SRBD1: variants seen among roughly 807,000 people sequenced by gnomAD.
The protein encoded by SRBD1 is S1 RNA binding domain 1, also known as S1 RNA-binding domain-containing protein 1.
SRBD1 carries 88 observed loss-of-function variants against 115.3 expected under a neutral mutation model. That is an observed-to-expected ratio of 0.76 (90% CI 0.64 to 0.91). SRBD1 has a LOEUF of 0.91. Ranked by LOEUF, SRBD1 falls within the 40% of genes least tolerant of loss-of-function variation. SRBD1 has a pLI of 0.00. For missense variants in SRBD1, 1,385 were observed against 1,177.4 expected, an observed-to-expected ratio of 1.18 and a Z score of -2.58; for synonymous variants, 509 against 407.7, an observed-to-expected ratio of 1.25 and a Z score of -2.99.
chr2:45,414,777 CACACACACATAGTGTGT>C (rs1667742809), intron 18 of SRBD1, among the ~76,000 whole-genome samples: 2 of 78,736 alleles, frequency 2.5e-5, no homozygotes, highest in African/African-American at 1.0e-4. Flanking sequence ...ATAGTATGTA[CACACACACATAGTGTGT>C]ATATAGTATG....
At chr2:45,540,489 A>C (rs573689434) in intron 14 of SRBD1, among the ~76,000 whole-genome samples, 81 of 152,312 alleles carry the variant, frequency 5.3e-4, no homozygotes, top group African/African-American at 1.8e-3. Flanking sequence ...AGAATAGAAA[A>C]CAAAAAGCAA....
chr2:45,389,335 G>A lies in SRBD1; in HGVS notation c.2963C>T (p.Thr988Ile). 6.2e-7 allele frequency: 1 copy of A among 1,613,992 alleles called. No homozygotes were observed. The highest frequency in any genetic ancestry group is 8.5e-7 in the Non-Finnish European group (1 of 1,179,914). Residue 988 changes from threonine to isoleucine, a missense_variant, in exon 21 of 21, where the codon ACT (threonine) becomes ATT (isoleucine). By Grantham distance (89) the Thr-to-Ile change is moderately conservative (BLOSUM62 -1). Coordinates refer to ENST00000263736, the MANE Select transcript of SRBD1 (RefSeq NM_018079.5). ...LNIDIPRSRI[T>I]LDLIRVL Reference sequence around the variant, plus strand: ...TCATAACACCCGAATGAGGTCCAGAGTAATCCTAGATCGGGGGATGTCAAT... The same window carrying A: ...TCATAACACCCGAATGAGGTCCAGAATAATCCTAGATCGGGGGATGTCAAT...
At chr2:45,507,748 AAAT>A (rs753739543) in intron 14 of SRBD1, among the ~76,000 whole-genome samples, 4 of 151,818 alleles carry the variant, frequency 2.6e-5, no homozygotes, top group South Asian at 2.1e-4. Flanking sequence ...AAAACAAACA[AAAT>A]AATAATAATA....
At chr2:45,499,510 C>T (rs1670560701) in intron 14 of SRBD1, among the ~76,000 whole-genome samples, 2 of 151,962 alleles carry the variant, frequency 1.3e-5, no homozygotes, top group East Asian at 3.8e-4. Flanking sequence ...TGATGTAATC[C>T]CATTTGTCTA....
At position 45,498,939 on chromosome 2, in the gene SRBD1, T is replaced by C. The variant is rs527850865; in HGVS notation, c.1875-10608A>G. Among the ~76,000 whole-genome samples the C allele has an allele frequency of 1.1e-3, 175 of 152,346 alleles. 1 individual carries two copies. The highest frequency in any genetic ancestry group is 4.0e-3 in the African/African-American group (166 of 41,594). The stretch of plus-strand genomic sequence containing the variant: ...GATTCCATATCTTGGCTAATGTGAA[T>C]AGTGTTGCAATAAACATGGGAGTAC... On this transcript the variant is annotated intron_variant, in intron 14 of 20. Coordinates refer to ENST00000263736, the MANE Select transcript of SRBD1 (RefSeq NM_018079.5).
At chr2:45,404,602 A>G (rs574375952) in intron 19 of SRBD1, among the ~76,000 whole-genome samples, 1 of 152,206 alleles carries the variant, frequency 6.6e-6, no homozygotes, top group African/African-American at 2.4e-5. Context: ...ACTTCTCACC[A>G]TGTCTTCTGC....
In SRBD1 at chr2:45,597,508, A is replaced by T. The variant is rs577500169; in HGVS notation, c.648+1941T>A. Among the ~76,000 whole-genome samples, 3 of 152,288 alleles carry T rather than the reference A, an allele frequency of 2.0e-5. No individual in the cohort carries two copies. In the South Asian group the frequency reaches 6.2e-4, roughly 32 times the overall value. The stretch of plus-strand genomic sequence containing the variant: ...AAAACTAATGGCAAATAAACTAGGG[A>T]GCTGTCATTTTCTATCCTCTGTAAA... On this transcript the variant is annotated intron_variant, in intron 4 of 20. Transcript: ENST00000263736.
At chr2:45,429,547 A>G (rs896928161) in intron 16 of SRBD1, among the ~76,000 whole-genome samples, 2 of 152,196 alleles carry the variant, frequency 1.3e-5, no homozygotes, top group African/African-American at 2.4e-5. Context: ...CAAAAACTAC[A>G]TGATTATCTC....
chr2:45,482,470 T>A (rs1412175545), intron 15 of SRBD1, among the ~76,000 whole-genome samples: 4 of 151,936 alleles, frequency 2.6e-5, no homozygotes, highest in African/African-American at 9.7e-5. Flanking sequence ...GTGGAGAGAA[T>A]GGGGAGATGC....
At chr2:45,402,601 A>G (rs1667321049) in intron 19 of SRBD1, among the ~76,000 whole-genome samples, 1 of 152,200 alleles carries the variant, frequency 6.6e-6, no homozygotes, top group Non-Finnish European at 1.5e-5. Context: ...TTCCTCCCTA[A>G]TGGGAAAAAT....
chr2:45,546,780 G>C lies in SRBD1; in HGVS notation c.1826C>G (p.Ala609Gly). 1 of 1,614,118 alleles carries C rather than the reference G, an allele frequency of 6.2e-7. No individual in the cohort carries two copies. The highest frequency in any genetic ancestry group is 8.5e-7 in the Non-Finnish European group (1 of 1,179,988). The stretch of plus-strand genomic sequence containing the variant: ...AAAATAATTCTTCATTATCAGGTCA[G>C]CAAAGTAAGCTTCTGTTTCCCTGCA... ...TACRETEAYF[A>G]DLIMKNYFAP... is the part of the protein sequence containing the mutation. Residue 609 changes from alanine to glycine, a missense_variant, in exon 14 of 21, where the codon GCT becomes GGT. Ala to Gly is a moderately conservative substitution (Grantham distance 60). Coordinates refer to ENST00000263736, the MANE Select transcript of SRBD1 (RefSeq NM_018079.5).
At chr2:45,492,770 A>C (rs1332823073) in intron 14 of SRBD1, among the ~76,000 whole-genome samples, 1 of 152,152 alleles carries the variant, frequency 6.6e-6, no homozygotes, top group East Asian at 1.9e-4. Flanking sequence ...TTACTGGGCT[A>C]ACAGTTTTCA....
chr2:45,451,696 T>A (rs916617577), intron 16 of SRBD1, among the ~76,000 whole-genome samples: 3 of 151,510 alleles, frequency 2.0e-5, no homozygotes, highest in African/African-American at 7.3e-5. Context: ...TTTTTTTTTT[T>A]AACATTACAT....
chr2:45,473,932 G>C (rs527725388), intron 16 of SRBD1, among the ~76,000 whole-genome samples: 1 of 152,158 alleles, frequency 6.6e-6, no homozygotes, highest in Non-Finnish European at 1.5e-5. Context: ...GGTTTAGAAC[G>C]TCCTCTGTAT....
chr2:45,481,426 G>C (rs1389635281), intron 15 of SRBD1, among the ~76,000 whole-genome samples: 2 of 152,082 alleles, frequency 1.3e-5, no homozygotes, highest in East Asian at 1.9e-4. Flanking sequence ...TGCTGATAAA[G>C]AGAATTAAGA....
At position 45,489,248 on chromosome 2, in the gene SRBD1, A is replaced by G. The variant is rs79712885; in HGVS notation, c.1875-917T>C. Among the ~76,000 whole-genome samples the G allele has an allele frequency of 6.9e-3, 1,055 of 152,316 alleles. 14 individuals carry two copies. Among genetic ancestry groups the G allele is most frequent in the African/African-American group, 0.024 (1,005 of 41,558 alleles). On this transcript the variant is annotated intron_variant, in intron 14 of 20. Transcript: ENST00000263736. ...CATGTAGGTGTCAATATTCAAAACC[A>G]GAAACATGTTAGGGCTCACTTTTTA...
chr2:45,586,888 T>C (rs1228153505), intron 4 of SRBD1, among the ~76,000 whole-genome samples: 1 of 146,016 alleles, frequency 6.8e-6, no homozygotes, highest in African/African-American at 2.5e-5. Flanking sequence ...ATATTATTTA[T>C]TTAAAATCAT....
Position 45,566,536 on chromosome 2 carries a change from G to A in SRBD1, c.1306-3780C>T, listed in dbSNP as rs1358303273. Among the ~76,000 whole-genome samples the A allele has an allele frequency of 2.6e-5, 4 of 152,172 alleles. No individual in the cohort carries two copies. The South Asian group carries it at 8.3e-4, about 31-fold the overall frequency. On this transcript the variant is annotated intron_variant, in intron 9 of 20. Transcript: ENST00000263736. ...ATAGAGATAGAAAGTTGGCTGCCTA[G>A]AGCTTGATGCAAGGAAATATTTGGG...
chr2:45,597,926 A>G (rs1489466992), intron 4 of SRBD1, among the ~76,000 whole-genome samples: 1 of 152,206 alleles, frequency 6.6e-6, no homozygotes, highest in Non-Finnish European at 1.5e-5. Context: ...CAGAGACTTC[A>G]CAGTCTAAAA....
Sources: allele counts gnomAD v4.1 joint callset (sites outside exome capture counted in the v4.1 genomes callset), GRCh38; gene constraint gnomAD v4.1.1; transcripts MANE v1.5; gene names NCBI Gene and HGNC (gene_info 2026-07-23, HGNC 2026-07-21).